The following TNFSF4 variants were observed in gnomAD, a reference collection of about 807,000 sequenced individuals.
The protein encoded by TNFSF4 is tumor necrosis factor ligand superfamily member 4.
In TNFSF4, 4 loss-of-function variants were observed where a neutral mutation model predicts 7.3. The ratio of observed to expected loss-of-function variants is 0.55; its 90% CI spans 0.27 to 1.25. The LOEUF (loss-of-function observed/expected upper bound fraction) is 1.25. Ranked by LOEUF, TNFSF4 falls within the 50% of genes most tolerant of loss-of-function variation. The probability of loss-of-function intolerance (pLI) is 0.12; values close to 1 mark genes in which losing one functional copy is unlikely to be tolerated. For synonymous variants in TNFSF4, 76 were observed against 83.7 expected (o/e 0.91, Z 0.50); for missense variants, 181 against 208.8 (o/e 0.87, Z 0.82).
At chr1:173,411,034 C>T in the TNFSF4 span, among the ~76,000 whole-genome samples, 2 of 152,200 alleles carry the variant, frequency 1.3e-5, no homozygotes, top group African/African-American at 2.4e-5. Flanking sequence ...TGGGGGAAGT[C>T]CCTCTGATTT....
chr1:173,253,400 G>T, the TNFSF4 span, among the ~76,000 whole-genome samples: 3 of 152,310 alleles, frequency 2.0e-5, no homozygotes, highest in South Asian at 6.2e-4. Flanking sequence ...CAGTGACTCT[G>T]CCCCATGCCG....
chr1:173,368,152 G>A, the TNFSF4 span, among the ~76,000 whole-genome samples: 17 of 152,214 alleles, frequency 1.1e-4, no homozygotes, highest in East Asian at 1.4e-3. Flanking sequence ...TGGAACACGC[G>A]AGGGGACAAA....
chr1:173,351,898 TA>T, the TNFSF4 span: 1 of 575,898 alleles, frequency 1.7e-6, no homozygotes, highest in Non-Finnish European at 3.2e-6. Flanking sequence ...ATCACTAGGC[TA>T]AAACTGGACA....
At chr1:173,419,327 G>C in the TNFSF4 span, among the ~76,000 whole-genome samples, 4 of 149,558 alleles carry the variant, frequency 2.7e-5, no homozygotes, top group East Asian at 7.8e-4. Context: ...GGGTGACAGA[G>C]CAAGACTCCG....
At chr1:173,247,348 C>A in the TNFSF4 span, among the ~76,000 whole-genome samples, 1 of 152,132 alleles carries the variant, frequency 6.6e-6, no homozygotes, top group Non-Finnish European at 1.5e-5. Context: ...CATGGAAAAG[C>A]AGAATACAGA....
the TNFSF4 span, among the ~76,000 whole-genome samples, chr1:173,449,591 A>C: frequency 6.6e-6 from 1 of 152,018 alleles, no homozygotes; most frequent in Non-Finnish European, 1.5e-5. Context: ...TGCCTACTTC[A>C]GTCTCTCAAA....
intron 1 of TNFSF4, chr1:173,205,279 T>G: frequency 1.2e-6 from 2 of 1,611,132 alleles, no homozygotes; most frequent in Non-Finnish European, 1.7e-6. Flanking sequence ...GCCAGGACTA[T>G]AGAAGCTAAT....
the TNFSF4 span, among the ~76,000 whole-genome samples, chr1:173,268,991 T>G: frequency 0.051 from 7,737 of 152,132 alleles, 242 homozygotes; most frequent in East Asian, 0.13. Context: ...ACGAAGTCAT[T>G]TTTCATGTCC....
chr1:173,378,247 T>A, the TNFSF4 span, among the ~76,000 whole-genome samples: 1 of 151,058 alleles, frequency 6.6e-6, no homozygotes, highest in African/African-American at 2.4e-5. Context: ...TTTCTGCTAC[T>A]GCATCAGTGA....
At chr1:173,243,000 T>TGGGCGGG in the TNFSF4 span, among the ~76,000 whole-genome samples, 26 of 5,382 alleles carry the variant, frequency 4.8e-3, 3 homozygotes, top group South Asian at 0.014. Flanking sequence ...AAGAAGTTGG[T>TGGGCGGG]GGGTGGGGGG....
chr1:173,396,682 T>C, the TNFSF4 span, among the ~76,000 whole-genome samples: 1 of 152,194 alleles, frequency 6.6e-6, no homozygotes, highest in Admixed American at 6.5e-5. Flanking sequence ...GGACCAAAAG[T>C]TGGCCCACAG....
the TNFSF4 span, among the ~76,000 whole-genome samples, chr1:173,257,056 T>G: frequency 0.29 from 44,344 of 152,160 alleles, 6,594 homozygotes; most frequent in East Asian, 0.37. Context: ...CCATGTGGCT[T>G]ATGAGATTAG....
the TNFSF4 span, among the ~76,000 whole-genome samples, chr1:173,290,857 G>GA: frequency 1.3e-5 from 2 of 151,728 alleles, no homozygotes; most frequent in African/African-American, 4.8e-5. Flanking sequence ...AGAAATTAAA[G>GA]AAAAAAATCA....
the TNFSF4 span, among the ~76,000 whole-genome samples, chr1:173,212,363 T>C: frequency 1.3e-5 from 2 of 152,060 alleles, no homozygotes; most frequent in African/African-American, 4.8e-5. Context: ...TCTAAAATAG[T>C]CCATAAGAGC....
upstream of TNFSF4, among the ~76,000 whole-genome samples, chr1:173,209,356 C>T (rs1334005666): frequency 3.3e-5 from 5 of 152,150 alleles, no homozygotes; most frequent in Admixed American, 2.0e-4. Context: ...CAAATGAAAT[C>T]ACTATTAGAG....
At chr1:173,332,726 G>A in the TNFSF4 span, among the ~76,000 whole-genome samples, 6 of 149,420 alleles carry the variant, frequency 4.0e-5, no homozygotes, top group African/African-American at 1.2e-4. Context: ...GTGGTGGCAC[G>A]CACCTGCAGT....
chr1:173,430,367 T>TTG, the TNFSF4 span, among the ~76,000 whole-genome samples: 1 of 152,254 alleles, frequency 6.6e-6, no homozygotes, highest in Non-Finnish European at 1.5e-5. Context: ...GTAAATAACT[T>TTG]TCACAGAGTC....
chr1:173,281,119 T>C, the TNFSF4 span, among the ~76,000 whole-genome samples: 499 of 152,184 alleles, frequency 3.3e-3, 5 homozygotes, highest in East Asian at 0.056. Context: ...GTTTTCACAC[T>C]AGTACGTGAG....
chr1:173,419,970 A>C, the TNFSF4 span, among the ~76,000 whole-genome samples: 1 of 152,068 alleles, frequency 6.6e-6, no homozygotes, highest in Non-Finnish European at 1.5e-5. Context: ...ATCAGCATCA[A>C]TGCATCACCT....
Sources: allele counts gnomAD v4.1 joint callset (sites outside exome capture counted in the v4.1 genomes callset), GRCh38; gene constraint gnomAD v4.1.1; transcripts MANE v1.5; gene names NCBI Gene and HGNC (gene_info 2026-07-23, HGNC 2026-07-21).